The following DLGAP1 variants were observed in gnomAD, a reference collection of about 807,000 sequenced individuals.
DLGAP1 encodes disks large-associated protein 1.
Under a neutral mutation model 90.8 loss-of-function variants are expected in DLGAP1, and 11 were observed. That is an observed-to-expected ratio of 0.12 (90% CI 0.08 to 0.20). DLGAP1 has a LOEUF of 0.20. DLGAP1 is among the 10% of genes least tolerant of loss of function. The probability of loss-of-function intolerance (pLI) is 1.00; values close to 1 mark genes in which losing one functional copy is unlikely to be tolerated. For synonymous variants in DLGAP1, 558 were observed against 540.7 expected (o/e 1.03, Z -0.44); for missense variants, 1,050 against 1,333.8 (o/e 0.79, Z 3.31).
At chr18:4,249,600 T>C (rs564929183) in intron 1 of DLGAP1, among the ~76,000 whole-genome samples, 1 of 152,320 alleles carries the variant, frequency 6.6e-6, no homozygotes, top group Admixed American at 6.5e-5. Flanking sequence ...TTTATTTTTT[T>C]CTTTTGAGAC....
chr18:4,314,830 G>A (rs184013601), intron 1 of DLGAP1, among the ~76,000 whole-genome samples: 10 of 152,280 alleles, frequency 6.6e-5, no homozygotes, highest in Admixed American at 6.5e-4. Context: ...TGGTAGACAG[G>A]CAGGTGACAA....
Position 3,729,991 on chromosome 18 carries a change from T to C in DLGAP1, c.1351-616A>G, listed in dbSNP as rs902257629. ...ACATGCCCTATATTTTCTGGCAAGA[T>C]ACTCACGTTTTGCACAAAAATAGAC... On this transcript the variant is annotated intron_variant, in intron 6 of 12. Transcript: ENST00000315677. This position sits in a 1 kb window ranked among gnomAD's most constrained non-coding sequence, Gnocchi z 6.2. Among the ~76,000 whole-genome samples, 3 of 152,228 alleles carry C rather than the reference T, an allele frequency of 2.0e-5. No homozygotes were observed. In the East Asian group the frequency reaches 5.8e-4, roughly 29 times the overall value.
intron 3 of DLGAP1, among the ~76,000 whole-genome samples, chr18:3,929,555 C>T (rs2072469861): frequency 6.6e-6 from 1 of 152,214 alleles, no homozygotes; most frequent in Non-Finnish European, 1.5e-5. Flanking sequence ...CTTCAGCAGG[C>T]AACAGGAAGC....
rs1226937874 is a variant in DLGAP1, at chr18:4,378,781, A to T, written c.-267+76225T>A. Among the ~76,000 whole-genome samples, 1 of 152,032 alleles carries T rather than the reference A, an allele frequency of 6.6e-6. No individual in the cohort carries two copies. The highest frequency in any genetic ancestry group is 2.4e-5 in the African/African-American group (1 of 41,400). On this transcript the variant is annotated intron_variant, in intron 1 of 12. Coordinates refer to ENST00000315677, the MANE Select transcript of DLGAP1 (RefSeq NM_004746.4). The surrounding 1 kb of genome is among the most constrained non-coding windows in gnomAD (Gnocchi z 4.5). ...TTTCCTAAATAGATCTTCCCTCCTA[A>T]CAGCTTGGTTGTGTCACAGTTCCAT...
intron 2 of DLGAP1, among the ~76,000 whole-genome samples, chr18:4,112,988 C>T (rs925304776): frequency 6.6e-6 from 1 of 152,062 alleles, no homozygotes; most frequent in African/African-American, 2.4e-5. Context: ...GTATGTACCA[C>T]ATTTCCTTTA....
intron 3 of DLGAP1, among the ~76,000 whole-genome samples, chr18:3,943,378 AG>A (rs2072809732): frequency 6.6e-6 from 1 of 152,082 alleles, no homozygotes; most frequent in Admixed American, 6.6e-5. Flanking sequence ...GTATCATCAA[AG>A]AGCTTATTCA....
At chr18:3,557,034 C>A (rs944701182) in intron 9 of DLGAP1, among the ~76,000 whole-genome samples, 4 of 152,112 alleles carry the variant, frequency 2.6e-5, no homozygotes, top group Non-Finnish European at 5.9e-5. Flanking sequence ...TTTTCAATTT[C>A]ATGATTTCTG....
chr18:4,369,278 T>C (rs572802894), intron 1 of DLGAP1, among the ~76,000 whole-genome samples: 92 of 150,740 alleles, frequency 6.1e-4, no homozygotes, highest in Non-Finnish European at 1.0e-3. Flanking sequence ...TGTTTGTGTA[T>C]ACATGCATAT....
intron 1 of DLGAP1, among the ~76,000 whole-genome samples, chr18:4,265,673 C>T (rs1598759288): frequency 3.3e-5 from 3 of 91,216 alleles, no homozygotes; most frequent in Non-Finnish European, 5.7e-5. Context: ...CCCTTCCTTC[C>T]TTCCTTCCTT....
At chr18:4,387,728 C>T (rs1188289312) in intron 1 of DLGAP1, among the ~76,000 whole-genome samples, 1 of 151,992 alleles carries the variant, frequency 6.6e-6, no homozygotes, top group South Asian at 2.1e-4. Context: ...GTCAGGAGTT[C>T]GGGACTAGCC....
At chr18:3,898,576 G>A (rs897289726) in intron 3 of DLGAP1, among the ~76,000 whole-genome samples, 22 of 152,200 alleles carry the variant, frequency 1.4e-4, no homozygotes, top group Admixed American at 1.2e-3. Flanking sequence ...ATGTTACCAA[G>A]GTTGCAGCAT....
At chr18:3,659,859 C>T (rs1397029036) in intron 7 of DLGAP1, among the ~76,000 whole-genome samples, 6 of 152,130 alleles carry the variant, frequency 3.9e-5, no homozygotes, top group Admixed American at 1.3e-4. Context: ...CCACCGCGCC[C>T]GGCCTATTTC....
intron 1 of DLGAP1, among the ~76,000 whole-genome samples, chr18:4,348,402 G>GTGTA (rs200156500): frequency 0.1 from 6,983 of 67,020 alleles, 423 homozygotes; most frequent in African/African-American, 0.21. Flanking sequence ...ACTCAGGAAT[G>GTGTA]TGTGTGTGTG....
chr18:4,394,843 TTCAGTTC>T (rs1262198024), intron 1 of DLGAP1, among the ~76,000 whole-genome samples: 2 of 152,202 alleles, frequency 1.3e-5, no homozygotes, highest in Non-Finnish European at 2.9e-5. Flanking sequence ...TTTACAGAGT[TTCAGTTC>T]TCGTCTATTG....
intron 2 of DLGAP1, among the ~76,000 whole-genome samples, chr18:4,057,451 C>A (rs370905868): frequency 1.3e-5 from 2 of 152,142 alleles, no homozygotes; most frequent in African/African-American, 2.4e-5. Flanking sequence ...AAGGCCACTG[C>A]GCATGTGGAC....
chr18:4,128,168 CATTCAGGAAAAAA>C lies in DLGAP1; in HGVS notation c.-159+22999_-159+23011del, dbSNP rs549953288. ...GATACAATCAACTACCAATTAAAAA[CATTCAGGAAAAAA>C]ATTGCATCTGTACTGACCAGATACA... On this transcript the variant is annotated intron_variant, in intron 2 of 12. Coordinates refer to ENST00000315677, the MANE Select transcript of DLGAP1 (RefSeq NM_004746.4). 4.4e-3 allele frequency among the ~76,000 whole-genome samples: 674 copies of C among 152,238 alleles called. 8 individuals carry two copies. Among genetic ancestry groups the C allele is most frequent in the South Asian group, 0.015 (70 of 4,824 alleles).
At chr18:3,811,465 G>T (rs1020360703) in intron 5 of DLGAP1, among the ~76,000 whole-genome samples, 2 of 152,160 alleles carry the variant, frequency 1.3e-5, no homozygotes, top group African/African-American at 4.8e-5. Context: ...AAGAACAGGG[G>T]ACAACAGAAA....
intron 7 of DLGAP1, among the ~76,000 whole-genome samples, chr18:3,630,988 A>T (rs1188642142): frequency 1.3e-5 from 2 of 151,552 alleles, no homozygotes; most frequent in Admixed American, 6.6e-5. Flanking sequence ...TTTTATTTTT[A>T]TTTTTTTTAT....
chr18:3,632,533 C>T (rs1286887490), intron 7 of DLGAP1, among the ~76,000 whole-genome samples: 4 of 152,100 alleles, frequency 2.6e-5, no homozygotes, highest in African/African-American at 4.8e-5. Context: ...GAACTCCTGA[C>T]CTCAGGTGAT....
Sources: gnomAD v4.1 joint callset for allele counts (sites outside exome capture counted in the v4.1 genomes callset) on GRCh38, gnomAD v4.1.1 for gene constraint, Gnocchi (gnomAD v3.1) non-coding constraint, MANE v1.5 for transcripts, NCBI Gene and HGNC (gene_info 2026-07-23, HGNC 2026-07-21) for gene names.